Variants in CTDP1 observed in about 807,000 individuals in gnomAD.
CTDP1 encodes the protein RNA polymerase II subunit A C-terminal domain phosphatase.
Under a neutral mutation model 91.8 loss-of-function variants are expected in CTDP1, and 47 were observed. The observed-to-expected ratio is 0.51, with a 90% CI of 0.41 to 0.65. The LOEUF (loss-of-function observed/expected upper bound fraction) is 0.65, where lower values mean the gene tolerates loss of function less well. Ranked by LOEUF, CTDP1 falls within the 30% of genes least tolerant of loss-of-function variation. The pLI is 0.00. For synonymous variants in CTDP1, 656 were observed against 598.5 expected (o/e 1.10, Z -1.40); for missense variants, 1,272 against 1,373.7 (o/e 0.93, Z 1.17).
intron 11 of CTDP1, chr18:79,736,052 C>T (rs1167163863): frequency 2.3e-6 from 1 of 435,112 alleles, no homozygotes. Flanking sequence ...GATTATTCAC[C>T]ATAAAATCCA....
chr18:79,704,565 G>T (rs866345333), intron 4 of CTDP1, among the ~76,000 whole-genome samples: 1 of 152,236 alleles, frequency 6.6e-6, no homozygotes, highest in Non-Finnish European at 1.5e-5. Context: ...CATGTGGAGG[G>T]ATGGGCACAT....
At chr18:79,734,678 G>A (rs1039601074) in intron 11 of CTDP1, among the ~76,000 whole-genome samples, 1 of 152,356 alleles carries the variant, frequency 6.6e-6, no homozygotes, top group Non-Finnish European at 1.5e-5. Context: ...TTTTAACAGT[G>A]CCTTGTTTTT....
intron 1 of CTDP1, among the ~76,000 whole-genome samples, chr18:79,688,925 C>G (rs139104954): frequency 1.3e-5 from 2 of 152,376 alleles, no homozygotes; most frequent in East Asian, 3.9e-4. Flanking sequence ...ACCCCAGATT[C>G]CGCAAATGTT....
intron 4 of CTDP1, chr18:79,702,634 A>C (rs1004396246): frequency 6.6e-6 from 1 of 152,192 alleles, no homozygotes; most frequent in Non-Finnish European, 1.5e-5. Flanking sequence ...TCGGCCTCCC[A>C]AAGTGTTGGG....
Position 79,713,499 on chromosome 18 carries a change from T to G in CTDP1, c.1030+361T>G, listed in dbSNP as rs1250553920. On this transcript the variant is annotated intron_variant, in intron 7 of 12. Coordinates refer to ENST00000613122, the MANE Select transcript of CTDP1 (RefSeq NM_004715.5). The surrounding 1 kb of genome is among the most constrained non-coding windows in gnomAD (Gnocchi z 4.7). Reference sequence around the variant, plus strand: ...AGAGAGTGAATGTGGGGGCGGTGGCTCTGCGGGGAATAACCGTTCCCCATG... The same window carrying G: ...AGAGAGTGAATGTGGGGGCGGTGGCGCTGCGGGGAATAACCGTTCCCCATG... Among the ~76,000 whole-genome samples, 1 of 152,202 alleles carries G rather than the reference T, an allele frequency of 6.6e-6. No individual in the cohort carries two copies. The highest frequency in any genetic ancestry group is 2.4e-5 in the African/African-American group (1 of 41,452).
chr18:79,753,580 A>G, intron 12 of CTDP1, 72 bp from the exon 13 acceptor site: 2 of 1,612,466 alleles, frequency 1.2e-6, no homozygotes, highest in Non-Finnish European at 1.7e-6. Flanking sequence ...CACTTCCCAA[A>G]TGCAGACCAG....
At chr18:79,717,287 AGGTGCAGCCGAGTGAGGGCCTTGGTGG>A (rs2086232808) in intron 8 of CTDP1, among the ~76,000 whole-genome samples, 2 of 73,220 alleles carry the variant, frequency 2.7e-5, no homozygotes, top group Non-Finnish European at 5.3e-5. Context: ...AGTCCTGGAG[AGGTGCAGCCGAGTGAGGGCCTTGGTGG>A]GGTGCAGCCG....
At chr18:79,750,357 C>T (rs960654522) in intron 12 of CTDP1, among the ~76,000 whole-genome samples, 1 of 152,116 alleles carries the variant, frequency 6.6e-6, no homozygotes, top group African/African-American at 2.4e-5. Flanking sequence ...AGCTAATTTG[C>T]AACCCCTCAC....
At chr18:79,709,828 A>G (rs1012968054) in intron 5 of CTDP1, among the ~76,000 whole-genome samples, 3 of 152,226 alleles carry the variant, frequency 2.0e-5, no homozygotes, top group East Asian at 1.9e-4. Context: ...TAATTCTACT[A>G]AAGTAACTTG....
Position 79,713,195 on chromosome 18 carries a change from T to C in CTDP1, c.1030+57T>C. 2 of 1,503,356 alleles carry C rather than the reference T, an allele frequency of 1.3e-6. No individual in the cohort carries two copies. Among genetic ancestry groups the C allele is most frequent in the South Asian group, 2.3e-5 (2 of 86,092 alleles). The allele number at this position is 1,503,356 out of a possible 1,614,324, so 93.1% of individuals were successfully genotyped here. A position where few individuals can be genotyped will look rare whatever the true frequency, so the allele number is the denominator to read the frequency against. On this transcript the variant is annotated intron_variant, in intron 7 of 12. Coordinates refer to ENST00000613122, the MANE Select transcript of CTDP1 (RefSeq NM_004715.5). This position sits in a 1 kb window ranked among gnomAD's most constrained non-coding sequence, Gnocchi z 4.7. ...AATTCACATTTGCTTATTGTTTAGC[T>C]CTTCTTATTTCTTATCTCTGTTTTG...
chr18:79,680,379 A>C, intron 1 of CTDP1, 118 bp downstream of exon 1: 1 of 791,576 alleles, frequency 1.3e-6, no homozygotes, highest in Non-Finnish European at 1.7e-6. Flanking sequence ...GGAGCGATAA[A>C]GCGGGACGCA....
chr18:79,730,507 CA>C (rs1170399851), intron 11 of CTDP1, among the ~76,000 whole-genome samples: 1 of 151,756 alleles, frequency 6.6e-6, no homozygotes, highest in Admixed American at 6.6e-5. Context: ...TGAACGCACT[CA>C]GCAGCTTTCA....
rs761360727 is a variant in CTDP1 at position 79,696,106 on chromosome 18, C to T, written c.492+36C>T. The T allele has an allele frequency of 5.2e-5, 83 of 1,581,894 alleles. No homozygotes were observed. In the South Asian group the frequency reaches 6.3e-4, roughly 12 times the overall value. On this transcript the variant is annotated intron_variant, in intron 3 of 12. Transcript: ENST00000613122. ...CATCAGTGGCGGCGTGTTGGGGAAG[C>T]GTGGTGCTCTGAGGAGGGCGGCTGC...
intron 1 of CTDP1, among the ~76,000 whole-genome samples, chr18:79,691,271 G>C (rs1224011673): frequency 6.6e-6 from 1 of 152,216 alleles, no homozygotes; most frequent in Admixed American, 6.5e-5. Context: ...CAGACCTCAG[G>C]CTGCGCTGGT....
chr18:79,756,615 A>C (rs560215561), downstream of CTDP1: 3 of 152,384 alleles, frequency 2.0e-5, 1 homozygote, highest in East Asian at 5.8e-4. Flanking sequence ...AGTCTTAAGA[A>C]GAAACTTGAA....
rs375762990 is a variant in CTDP1, at chr18:79,714,557, C to T, written c.1097C>T (p.Thr366Met). The change falls in exon 8 of 13, where the codon ACG (threonine) becomes ATG (methionine). Residue 366 changes from threonine (T) to methionine (M), a missense_variant. Around this residue, in one of 3 missense-constraint regions of CTDP1, gnomAD observed 881 missense variants for 911.6 expected, o/e 0.97. Coordinates refer to ENST00000613122, the MANE Select transcript of CTDP1 (RefSeq NM_004715.5). ...CCCGTGAGAGACCCTGAGGGGGTAACGCAGGCCCCTGGAGTGGAGCCCAGC... is the reference window on the plus strand; with the variant it reads ...CCCGTGAGAGACCCTGAGGGGGTAATGCAGGCCCCTGGAGTGGAGCCCAGC... ...SPPVRDPEGV[T>M]QAPGVEPSNG... 50 of 1,613,022 alleles carry T rather than the reference C, an allele frequency of 3.1e-5. No individual in the cohort carries two copies. Among genetic ancestry groups the T allele is most frequent in the East Asian group, 6.7e-5 (3 of 44,896 alleles).
At chr18:79,731,065 A>AC (rs538663719) in intron 11 of CTDP1, among the ~76,000 whole-genome samples, 2,670 of 151,490 alleles carry the variant, frequency 0.018, 32 homozygotes, top group Non-Finnish European at 0.028. Flanking sequence ...CATTGCCTGC[A>AC]CCCCCCCGTG....
At chr18:79,691,068 G>A (rs1178656901) in intron 1 of CTDP1, among the ~76,000 whole-genome samples, 1 of 152,062 alleles carries the variant, frequency 6.6e-6, no homozygotes. Flanking sequence ...CTTCCTACTC[G>A]TCTGTCAAGA....
chr18:79,718,746 A>C (rs2086272032), intron 10 of CTDP1, among the ~76,000 whole-genome samples: 1 of 152,124 alleles, frequency 6.6e-6, no homozygotes, highest in Non-Finnish European at 1.5e-5. Flanking sequence ...GTTGCTTTGA[A>C]ATTCAACCAA....
Sources: allele counts gnomAD v4.1 joint callset (sites outside exome capture counted in the v4.1 genomes callset), GRCh38; gene constraint gnomAD v4.1.1; regional missense constraint gnomAD v4.1.1; non-coding constraint Gnocchi (gnomAD v3.1); transcripts MANE v1.5; gene names NCBI Gene and HGNC (gene_info 2026-07-23, HGNC 2026-07-21).